The following NXNL2 variants were observed in gnomAD, a reference collection of about 807,000 sequenced individuals.
NXNL2 encodes the protein nucleoredoxin-like protein 2.
A neutral mutation model predicts 11.1 loss-of-function variants in NXNL2; 7 were observed. The ratio of observed to expected loss-of-function variants is 0.63; its 90% CI spans 0.36 to 1.18. The LOEUF (loss-of-function observed/expected upper bound fraction) is 1.18. Among genes scored for constraint, NXNL2 ranks in the 50% most tolerant of loss-of-function variants. The probability of loss-of-function intolerance (pLI) is 0.02; values close to 1 mark genes in which losing one functional copy is unlikely to be tolerated. For synonymous variants in NXNL2, 109 were observed against 101.8 expected (o/e 1.07, Z -0.42); for missense variants, 233 against 217.7 (o/e 1.07, Z -0.44).
chr9:88,576,616 G>A (rs180819184), downstream of NXNL2, among the ~76,000 whole-genome samples: 2 of 152,316 alleles, frequency 1.3e-5, no homozygotes, highest in East Asian at 1.9e-4. Flanking sequence ...GCCAATGGAG[G>A]TGCGGGAGGG....
At chr9:88,543,088 A>G (rs1249127406) in intron 1 of NXNL2, among the ~76,000 whole-genome samples, 2 of 152,158 alleles carry the variant, frequency 1.3e-5, no homozygotes, top group Non-Finnish European at 2.9e-5. Flanking sequence ...CGTTTCCCTA[A>G]ATGAATACAA....
chr9:88,559,062 G>C (rs915832785), intron 1 of NXNL2, among the ~76,000 whole-genome samples: 3 of 152,102 alleles, frequency 2.0e-5, no homozygotes, highest in African/African-American at 7.2e-5. Flanking sequence ...TGTTTCCCAA[G>C]AGACACAGAC....
intron 1 of NXNL2, among the ~76,000 whole-genome samples, chr9:88,540,047 G>T (rs1465859825): frequency 6.6e-6 from 1 of 151,942 alleles, no homozygotes; most frequent in Non-Finnish European, 1.5e-5. Flanking sequence ...TTTAGGTGTT[G>T]TGCGGCCGGG....
chr9:88,545,680 A>G (rs897269145), downstream of NXNL2, among the ~76,000 whole-genome samples: 4 of 152,036 alleles, frequency 2.6e-5, no homozygotes, highest in South Asian at 4.1e-4. Flanking sequence ...CACTAACCTC[A>G]TTGTTATTCG....
At chr9:88,543,789 C>T (rs779827109) in intron 1 of NXNL2, among the ~76,000 whole-genome samples, 3 of 152,206 alleles carry the variant, frequency 2.0e-5, no homozygotes, top group East Asian at 1.9e-4. Context: ...CCCAGCCATA[C>T]GTGGCTGGTG....
In NXNL2 at chr9:88,535,389, C is replaced by T. The variant is rs1467081106; in HGVS notation, c.-46C>T. ...CCGCCGCCTCCCCGCAGGTGATCAT[C>T]CTCCTGCAGGTGTCCTCGGGTCTCA... On this transcript the variant is annotated 5_prime_UTR_variant, in exon 1 of 2. Coordinates refer to ENST00000375854, the MANE Select transcript of NXNL2 (RefSeq NM_001161625.2). The T allele has an allele frequency of 4.0e-6, 6 of 1,502,608 alleles. No individual in the cohort carries two copies. Among genetic ancestry groups the T allele is most frequent in the Non-Finnish European group, 5.3e-6 (6 of 1,130,962 alleles). The allele number at this position is 1,502,608 out of a possible 1,614,324, so 93.1% of individuals were successfully genotyped here. A position where few individuals can be genotyped will look rare whatever the true frequency, so the allele number is the denominator to read the frequency against.
chr9:88,564,577 C>T (rs1830140435), intron 1 of NXNL2, among the ~76,000 whole-genome samples: 1 of 151,970 alleles, frequency 6.6e-6, no homozygotes, highest in South Asian at 2.1e-4. Flanking sequence ...CCACCATGCC[C>T]AGCTTATTTT....
At chr9:88,564,189 G>A (rs1830129550) in intron 1 of NXNL2, among the ~76,000 whole-genome samples, 1 of 149,632 alleles carries the variant, frequency 6.7e-6, no homozygotes, top group Non-Finnish European at 1.5e-5. Flanking sequence ...CCAGCCTGGG[G>A]GACAAGAGCG....
chr9:88,535,457 G>C lies in NXNL2; in HGVS notation c.23G>C (p.Arg8Pro), dbSNP rs766176120. 46 of 1,604,104 alleles carry C rather than the reference G, an allele frequency of 2.9e-5. No individual in the cohort carries two copies. The Admixed American group carries it at 7.4e-4, about 26-fold the overall frequency. Residue 8 changes from arginine to proline, a missense_variant, in exon 1 of 2, where the codon CGG becomes CCG. Transcript: ENST00000375854. ...GCCATGGTTGACATTCTGGGCGAGC[G>C]GCACCTGGTGACCTGTAAGGGCGCG... is the stretch of plus-strand genomic sequence containing the variant. MVDILGE[R>P]HLVTCKGATV...
At position 88,535,424 on chromosome 9, in the gene NXNL2, G is replaced by C; in HGVS notation, c.-11G>C. The C allele has an allele frequency of 1.3e-6, 2 of 1,584,402 alleles. No individual in the cohort carries two copies. The highest frequency in any genetic ancestry group is 1.7e-6 in the Non-Finnish European group (2 of 1,168,090). ...GTGTCCTCGGGTCTCAGGTGGCTGC[G>C]TGTCTGCGCCATGGTTGACATTCTG... On this transcript the variant is annotated 5_prime_UTR_variant, in exon 1 of 2. Transcript: ENST00000375854.
At chr9:88,574,064 G>T (rs1830313092) in intron 2 of NXNL2, among the ~76,000 whole-genome samples, 1 of 152,106 alleles carries the variant, frequency 6.6e-6, no homozygotes, top group African/African-American at 2.4e-5. Flanking sequence ...CAGTTTAGTG[G>T]TTTCTTTAAA....
At chr9:88,569,865 A>G (rs1262596084) in intron 1 of NXNL2, among the ~76,000 whole-genome samples, 2 of 152,020 alleles carry the variant, frequency 1.3e-5, no homozygotes, top group Admixed American at 6.5e-5. Flanking sequence ...CTAATATTTT[A>G]TTTCGGTTAT....
chr9:88,581,262 G>A (rs894778761), intron 1 of NXNL2, among the ~76,000 whole-genome samples: 1 of 152,210 alleles, frequency 6.6e-6, no homozygotes, highest in Non-Finnish European at 1.5e-5. Flanking sequence ...AATGGGCGAA[G>A]CCTATTTGGA....
intron 1 of NXNL2, among the ~76,000 whole-genome samples, chr9:88,541,177 C>T (rs1342806988): frequency 6.7e-6 from 1 of 149,340 alleles, no homozygotes; most frequent in Non-Finnish European, 1.5e-5. Flanking sequence ...CAAGGAGGTT[C>T]AGTCCACACT....
chr9:88,563,229 C>T (rs561749671), intron 1 of NXNL2, among the ~76,000 whole-genome samples: 132 of 152,356 alleles, frequency 8.7e-4, no homozygotes, highest in African/African-American at 2.8e-3. Flanking sequence ...TGCTCGTGCA[C>T]ATGCATGCTC....
chr9:88,558,034 C>T (rs533156249), intron 1 of NXNL2, among the ~76,000 whole-genome samples: 16 of 152,260 alleles, frequency 1.1e-4, no homozygotes, highest in Admixed American at 5.9e-4. Flanking sequence ...TCATAAAACA[C>T]TTGGAATCTC....
At chr9:88,559,370 C>T (rs948180212) in intron 1 of NXNL2, among the ~76,000 whole-genome samples, 2 of 152,126 alleles carry the variant, frequency 1.3e-5, no homozygotes, top group African/African-American at 4.8e-5. Context: ...TAATGACAGC[C>T]CAGAGAGGAG....
intron 1 of NXNL2, among the ~76,000 whole-genome samples, chr9:88,536,204 C>T (rs545051752): frequency 6.0e-4 from 91 of 152,130 alleles, no homozygotes; most frequent in African/African-American, 2.1e-3. Context: ...AGGGATGACC[C>T]GCGAGGACAT....
At chr9:88,568,607 C>T (rs1429582749) in intron 1 of NXNL2, among the ~76,000 whole-genome samples, 2 of 152,158 alleles carry the variant, frequency 1.3e-5, no homozygotes, top group East Asian at 1.9e-4. Context: ...CCAAGTAGTC[C>T]GTCAATCTGT....
Sources: allele counts gnomAD v4.1 joint callset (sites outside exome capture counted in the v4.1 genomes callset), GRCh38; gene constraint gnomAD v4.1.1; transcripts MANE v1.5; gene names NCBI Gene and HGNC (gene_info 2026-07-23, HGNC 2026-07-21).